Variants in ZBTB7C observed in about 807,000 individuals in gnomAD.
ZBTB7C encodes zinc finger and BTB domain-containing protein 7C.
ZBTB7C carries 8 observed loss-of-function variants against 25.7 expected under a neutral mutation model. The observed-to-expected ratio is 0.31, with a 90% confidence interval of 0.18 to 0.56. The LOEUF (loss-of-function observed/expected upper bound fraction) is 0.56. Ranked by LOEUF, ZBTB7C falls within the 20% of genes least tolerant of loss-of-function variation. The probability of loss-of-function intolerance (pLI) is 0.91; values close to 1 mark genes in which losing one functional copy is unlikely to be tolerated. For missense variants in ZBTB7C, 824 were observed against 855.2 expected, an observed-to-expected ratio of 0.96 and a Z score of 0.46; for synonymous variants, 394 against 369.0, an observed-to-expected ratio of 1.07 and a Z score of -0.78.
intron 1 of ZBTB7C, among the ~76,000 whole-genome samples, chr18:48,393,741 G>T (rs2047955560): frequency 6.6e-6 from 1 of 152,050 alleles, no homozygotes; most frequent in Non-Finnish European, 1.5e-5. Context: ...GAGGCACCAA[G>T]ATAATCATAA....
At chr18:48,093,260 C>G (rs1304801941) in intron 3 of ZBTB7C, among the ~76,000 whole-genome samples, 1 of 152,184 alleles carries the variant, frequency 6.6e-6, no homozygotes, top group East Asian at 1.9e-4. Context: ...CCCGGTTTCT[C>G]CCTTCTTCCT....
At chr18:48,377,085 T>C (rs1015363575) in intron 1 of ZBTB7C, among the ~76,000 whole-genome samples, 2 of 152,166 alleles carry the variant, frequency 1.3e-5, no homozygotes, top group African/African-American at 4.8e-5. Context: ...GGACTCAGCC[T>C]GGGCCCCCAC....
chr18:48,241,376 G>A (rs537309091), intron 2 of ZBTB7C, among the ~76,000 whole-genome samples: 1 of 151,962 alleles, frequency 6.6e-6, no homozygotes, highest in Non-Finnish European at 1.5e-5. Flanking sequence ...TTTACAGAAC[G>A]CTCTACCCAA....
At chr18:48,175,259 G>A (rs1271916944) in intron 3 of ZBTB7C, among the ~76,000 whole-genome samples, 1 of 152,170 alleles carries the variant, frequency 6.6e-6, no homozygotes, top group Non-Finnish European at 1.5e-5. Flanking sequence ...TGGTGAGGTG[G>A]GGATGAGAGG....
At position 48,159,565 on chromosome 18, in the gene ZBTB7C, T is replaced by C. The variant is rs944391680; in HGVS notation, c.-17+26369A>G. 4.6e-5 allele frequency among the ~76,000 whole-genome samples: 7 copies of C among 152,238 alleles called. No individual in the cohort carries two copies. In the East Asian group the frequency reaches 1.3e-3, roughly 29 times the overall value. On this transcript the variant is annotated intron_variant, in intron 3 of 4. Transcript: ENST00000590800. ...CATTCATCACCTCTGTGTCCACAGA[T>C]GGTGCAAAGATCAACTTTACCAAAG...
chr18:48,292,555 C>G (rs1332180544), intron 2 of ZBTB7C, among the ~76,000 whole-genome samples: 1 of 152,184 alleles, frequency 6.6e-6, no homozygotes. Context: ...AGGACAGGGG[C>G]AAGCAGAGAG....
At chr18:48,184,044 G>A (rs1393718510) in intron 3 of ZBTB7C, among the ~76,000 whole-genome samples, 1 of 152,144 alleles carries the variant, frequency 6.6e-6, no homozygotes, top group East Asian at 1.9e-4. Flanking sequence ...AGTCACCAGT[G>A]GCTCAAAATG....
chr18:48,210,574 T>C (rs1186490855), intron 2 of ZBTB7C, among the ~76,000 whole-genome samples: 3 of 152,214 alleles, frequency 2.0e-5, no homozygotes, highest in Non-Finnish European at 2.9e-5. Context: ...AGATCACATA[T>C]TATATAATTC....
chr18:48,292,494 C>G (rs116817551), intron 2 of ZBTB7C, among the ~76,000 whole-genome samples: 2,648 of 152,262 alleles, frequency 0.017, 80 homozygotes, highest in African/African-American at 0.06. Flanking sequence ...CTAACTCCCT[C>G]CTCCTGCGCC....
At chr18:48,089,657 A>G (rs11662345) in intron 3 of ZBTB7C, among the ~76,000 whole-genome samples, 31,023 of 151,996 alleles carry the variant, frequency 0.2, 3,291 homozygotes, top group Admixed American at 0.27. Flanking sequence ...GGAATGGGGT[A>G]GGGCCTAAAA....
intron 3 of ZBTB7C, among the ~76,000 whole-genome samples, chr18:48,066,368 G>A (rs1384939321): frequency 1.3e-5 from 2 of 152,154 alleles, no homozygotes; most frequent in African/African-American, 4.8e-5. Context: ...CGGAGGTGGG[G>A]GTGATGTGTT....
chr18:48,137,094 T>C (rs1366754910), intron 3 of ZBTB7C: 1 of 985,350 alleles, frequency 1.0e-6, no homozygotes, highest in Non-Finnish European at 1.2e-6. Context: ...GCGGCCGCGC[T>C]GCTCGCGGGA....
intron 3 of ZBTB7C, among the ~76,000 whole-genome samples, chr18:48,128,902 C>T (rs8083615): frequency 0.21 from 31,169 of 151,966 alleles, 3,568 homozygotes; most frequent in African/African-American, 0.3. Context: ...CAGGTAAGCC[C>T]TCTCTTTCAA....
At chr18:48,342,583 A>T (rs191157068) in intron 1 of ZBTB7C, among the ~76,000 whole-genome samples, 3 of 152,258 alleles carry the variant, frequency 2.0e-5, no homozygotes, top group Non-Finnish European at 4.4e-5. Flanking sequence ...AACCCTCGGC[A>T]GGAGGGACGG....
intron 1 of ZBTB7C, among the ~76,000 whole-genome samples, chr18:48,408,940 C>G (rs1400166158): frequency 1.3e-5 from 2 of 150,196 alleles, no homozygotes. Context: ...CCTCCCTCCT[C>G]CCGCCTCCTC....
At chr18:48,133,975 G>C (rs189620517) in intron 3 of ZBTB7C, among the ~76,000 whole-genome samples, 3 of 152,248 alleles carry the variant, frequency 2.0e-5, no homozygotes, top group African/African-American at 7.2e-5. Context: ...ATAGCCAGCT[G>C]GGTGCTCACG....
intron 3 of ZBTB7C, among the ~76,000 whole-genome samples, chr18:48,044,293 T>C (rs1433999345): frequency 6.6e-6 from 1 of 152,230 alleles, no homozygotes; most frequent in Non-Finnish European, 1.5e-5. Flanking sequence ...TTCAATGAGC[T>C]GTGCTGCAGA....
chr18:48,151,350 C>T (rs2040672039), intron 3 of ZBTB7C, among the ~76,000 whole-genome samples: 1 of 152,212 alleles, frequency 6.6e-6, no homozygotes. Context: ...ACATACTGCC[C>T]TCATATTTTG....
intron 2 of ZBTB7C, among the ~76,000 whole-genome samples, chr18:48,192,929 A>C (rs144105784): frequency 6.6e-6 from 1 of 152,262 alleles, no homozygotes; most frequent in African/African-American, 2.4e-5. Context: ...TTTCTCTATA[A>C]ATTTAAAACT....
Sources: allele counts gnomAD v4.1 joint callset (sites outside exome capture counted in the v4.1 genomes callset), GRCh38; gene constraint gnomAD v4.1.1; transcripts MANE v1.5; gene names NCBI Gene and HGNC (gene_info 2026-07-23, HGNC 2026-07-21).